C6: variants seen among roughly 807,000 people sequenced by gnomAD.
The protein encoded by C6 is complement C6, also known as complement component C6.
A neutral mutation model predicts 112.9 loss-of-function variants in C6; 101 were observed. The observed-to-expected ratio is 0.89, with a 90% CI of 0.76 to 1.06. C6 has a LOEUF of 1.06. Ranked by LOEUF, C6 falls within the 50% of genes least tolerant of loss-of-function variation. The pLI is 0.00. For synonymous variants in C6, 431 were observed against 384.1 expected, an observed-to-expected ratio of 1.12 and a Z score of -1.43; for missense variants, 1,202 against 1,104.6, an observed-to-expected ratio of 1.09 and a Z score of -1.25.
chr5:41,259,082 G>T (rs1741887153), intron 1 of C6, among the ~76,000 whole-genome samples: 2 of 152,176 alleles, frequency 1.3e-5, no homozygotes. Flanking sequence ...TGGAGTCTGG[G>T]TCACTGTCAC....
chr5:41,200,891 G>GTTGTTTTTTTTTTT (rs1447605950), intron 3 of C6, among the ~76,000 whole-genome samples: 2 of 70,670 alleles, frequency 2.8e-5, no homozygotes, highest in Non-Finnish European at 4.9e-5. Context: ...TGTTGTTGTT[G>GTTGTTTTTTTTTTT]TTTTTTTTTT....
At chr5:41,179,315 T>C (rs1749124603) in intron 7 of C6, among the ~76,000 whole-genome samples, 1 of 152,232 alleles carries the variant, frequency 6.6e-6, no homozygotes, top group Admixed American at 6.5e-5. Context: ...AAACGTTCTC[T>C]AGCATGTTTG....
intron 7 of C6, among the ~76,000 whole-genome samples, chr5:41,179,309 G>A (rs375564149): frequency 2.0e-5 from 3 of 152,110 alleles, no homozygotes; most frequent in African/African-American, 7.2e-5. Context: ...TTTTACAAAC[G>A]TTCTCTAGCA....
intron 1 of C6, among the ~76,000 whole-genome samples, chr5:41,204,659 C>CTTT (rs56809256): frequency 6.0e-5 from 8 of 133,322 alleles, no homozygotes; most frequent in African/African-American, 1.1e-4. Flanking sequence ...AATCAGTAAG[C>CTTT]TTTTTTTTTT....
chr5:41,231,448 GTC>G (rs1301115098), intron 1 of C6, among the ~76,000 whole-genome samples: 1 of 152,104 alleles, frequency 6.6e-6, no homozygotes, highest in Non-Finnish European at 1.5e-5. Flanking sequence ...GTTAAAACCA[GTC>G]CATTTTTAAC....
At chr5:41,191,223 C>T (rs564557800) in intron 5 of C6, among the ~76,000 whole-genome samples, 36 of 151,950 alleles carry the variant, frequency 2.4e-4, no homozygotes, top group South Asian at 1.0e-3. Flanking sequence ...CCCACCACCA[C>T]GCCTGGCTAA....
chr5:41,252,156 A>G (rs1741400008), intron 1 of C6, among the ~76,000 whole-genome samples: 1 of 152,196 alleles, frequency 6.6e-6, no homozygotes, highest in Non-Finnish European at 1.5e-5. Flanking sequence ...GCCCTATTTT[A>G]ACTAATATAA....
intron 1 of C6, among the ~76,000 whole-genome samples, chr5:41,209,575 T>A (rs1188649944): frequency 6.6e-6 from 1 of 151,556 alleles, no homozygotes; most frequent in Non-Finnish European, 1.5e-5. Context: ...TATATACCCA[T>A]AATAGACAGA....
chr5:41,157,901 A>G (rs1464234244), intron 13 of C6, among the ~76,000 whole-genome samples: 1 of 152,206 alleles, frequency 6.6e-6, no homozygotes, highest in Admixed American at 6.6e-5. Flanking sequence ...TGGGCAGAAG[A>G]TAAGTGAATA....
chr5:41,167,640 C>T (rs1364385338), intron 9 of C6, among the ~76,000 whole-genome samples: 1 of 151,954 alleles, frequency 6.6e-6, no homozygotes, highest in Admixed American at 6.6e-5. Context: ...TTTTTTTGCA[C>T]AAAAATAAAC....
intron 9 of C6, among the ~76,000 whole-genome samples, chr5:41,170,832 CAG>C (rs1179710624): frequency 6.6e-5 from 10 of 152,182 alleles, no homozygotes; most frequent in African/African-American, 2.4e-4. Context: ...AATAAGGAAA[CAG>C]AATTTTACAG....
At chr5:41,210,432 C>G (rs1296467025) in intron 1 of C6, among the ~76,000 whole-genome samples, 7 of 152,158 alleles carry the variant, frequency 4.6e-5, no homozygotes, top group African/African-American at 1.7e-4. Context: ...GAACAGGCAA[C>G]CTACAGAATG....
intron 7 of C6, among the ~76,000 whole-genome samples, chr5:41,178,381 G>A (rs1347468164): frequency 6.6e-6 from 1 of 151,378 alleles, no homozygotes; most frequent in African/African-American, 2.4e-5. Flanking sequence ...GACTTGGATT[G>A]ATTTTCAATT....
intron 4 of C6, among the ~76,000 whole-genome samples, chr5:41,196,243 G>C (rs745605803): frequency 6.6e-6 from 1 of 151,926 alleles, no homozygotes; most frequent in African/African-American, 2.4e-5. Context: ...AAATTAACAA[G>C]AGGTTCAGAA....
intron 4 of C6, among the ~76,000 whole-genome samples, chr5:41,196,239 A>G (rs1421689395): frequency 6.6e-6 from 1 of 152,002 alleles, no homozygotes; most frequent in East Asian, 1.9e-4. Context: ...GAGAAAATTA[A>G]CAAGAGGTTC....
At chr5:41,245,828 C>A (rs943016797) in intron 1 of C6, among the ~76,000 whole-genome samples, 1 of 151,988 alleles carries the variant, frequency 6.6e-6, no homozygotes, top group Non-Finnish European at 1.5e-5. Flanking sequence ...TACTGAAAAT[C>A]CTTGCTTGAT....
At chr5:41,205,585 G>A (rs1561169194) in intron 1 of C6, among the ~76,000 whole-genome samples, 1 of 152,204 alleles carries the variant, frequency 6.6e-6, no homozygotes, top group Non-Finnish European at 1.5e-5. Context: ...CCCGCACCTG[G>A]CTCGGAGAGT....
At chr5:41,199,128 C>T (rs760882943) in intron 4 of C6, among the ~76,000 whole-genome samples, 2 of 152,072 alleles carry the variant, frequency 1.3e-5, no homozygotes, top group Non-Finnish European at 2.9e-5. Context: ...GTTCCAAGGT[C>T]TTGGGTCAAT....
chr5:41,210,226 T>C (rs1471529846), intron 1 of C6, among the ~76,000 whole-genome samples: 3 of 152,178 alleles, frequency 2.0e-5, no homozygotes, highest in African/African-American at 7.2e-5. Flanking sequence ...TCAAGATGGA[T>C]TAAAGACTTA....
Sources: gnomAD v4.1 joint callset for allele counts (sites outside exome capture counted in the v4.1 genomes callset) on GRCh38, gnomAD v4.1.1 for gene constraint, MANE v1.5 for transcripts, NCBI Gene and HGNC (gene_info 2026-07-23, HGNC 2026-07-21) for gene names.